Variants in GOLIM4 observed in about 807,000 individuals in gnomAD.
GOLIM4 encodes the protein 130 kDa golgi-localized phosphoprotein.
A neutral mutation model predicts 107.4 loss-of-function variants in GOLIM4; 71 were observed. The observed-to-expected ratio is 0.66, with a 90% confidence interval of 0.55 to 0.81. The LOEUF (loss-of-function observed/expected upper bound fraction) is 0.81, where lower values mean the gene tolerates loss of function less well. Ranked by LOEUF, GOLIM4 falls within the 30% of genes least tolerant of loss-of-function variation. The pLI, the probability that GOLIM4 is intolerant of heterozygous loss-of-function variation, is 0.00. For missense variants in GOLIM4, 830 were observed against 826.1 expected (o/e 1.00, Z -0.06); for synonymous variants, 327 against 294.8 (o/e 1.11, Z -1.12).
At chr3:168,059,978 T>C (rs1189532584) in intron 1 of GOLIM4, among the ~76,000 whole-genome samples, 1 of 152,070 alleles carries the variant, frequency 6.6e-6, no homozygotes, top group African/African-American at 2.4e-5. Flanking sequence ...CTAGAGTGAC[T>C]GAGGCAGGGT....
At chr3:168,033,190 A>G (rs902268677) in intron 8 of GOLIM4, among the ~76,000 whole-genome samples, 7 of 152,368 alleles carry the variant, frequency 4.6e-5, no homozygotes, top group Non-Finnish European at 7.3e-5. Context: ...TCAAGTGATG[A>G]AATGTTTACA....
At chr3:168,058,658 G>C (rs1470654723) in intron 1 of GOLIM4, among the ~76,000 whole-genome samples, 2 of 152,138 alleles carry the variant, frequency 1.3e-5, no homozygotes, top group African/African-American at 4.8e-5. Context: ...GGTTAGCCAG[G>C]CTAGGATGAC....
intron 14 of GOLIM4, among the ~76,000 whole-genome samples, chr3:168,018,091 G>C (rs542114674): frequency 6.6e-6 from 1 of 152,144 alleles, no homozygotes; most frequent in Non-Finnish European, 1.5e-5. Flanking sequence ...CAAAAAAACT[G>C]CTGAACATCG....
rs144138845 is a variant in GOLIM4 at position 168,026,111 on chromosome 3, A to C, written c.1624-1016T>G. ...CACTTAGGAGTCTTGAACATGTTTG[A>C]GAGTTCACTGCCATCTCAGCTGATC... On this transcript the variant is annotated intron_variant, in intron 12 of 15. Coordinates refer to ENST00000470487, the MANE Select transcript of GOLIM4 (RefSeq NM_014498.5). Among the ~76,000 whole-genome samples the C allele has an allele frequency of 2.5e-3, 377 of 152,266 alleles. 3 individuals carry two copies. The highest frequency in any genetic ancestry group is 4.6e-3 in the Admixed American group (71 of 15,288).
chr3:168,087,167 T>C (rs992537210), intron 1 of GOLIM4, among the ~76,000 whole-genome samples: 1 of 152,306 alleles, frequency 6.6e-6, no homozygotes, highest in Non-Finnish European at 1.5e-5. Flanking sequence ...AATAAGTTTA[T>C]TTTTCCTTAA....
chr3:168,016,301 TCA>T (rs1345087683), intron 14 of GOLIM4, among the ~76,000 whole-genome samples: 1 of 134,874 alleles, frequency 7.4e-6, no homozygotes, highest in Non-Finnish European at 1.5e-5. Flanking sequence ...ATGCTCATCA[TCA>T]CTGGCCATCA....
chr3:168,076,362 G>C (rs1560105871), intron 1 of GOLIM4, among the ~76,000 whole-genome samples: 1 of 152,082 alleles, frequency 6.6e-6, no homozygotes, highest in Non-Finnish European at 1.5e-5. Flanking sequence ...TGTTTGTTTT[G>C]TTTCTTTGTT....
chr3:168,039,973 T>C lies in GOLIM4; in HGVS notation c.684+813A>G, dbSNP rs531829868. On this transcript the variant is annotated intron_variant, in intron 7 of 15. Coordinates refer to ENST00000470487, the MANE Select transcript of GOLIM4 (RefSeq NM_014498.5). ...TGGGTCAGGGACAGAAAATTATACCTTTTAATAATTTTATAAAGAAAAGAA... is the reference window on the plus strand; with the variant it reads ...TGGGTCAGGGACAGAAAATTATACCCTTTAATAATTTTATAAAGAAAAGAA... Among the ~76,000 whole-genome samples, 3 of 152,312 alleles carry C rather than the reference T, an allele frequency of 2.0e-5. No homozygotes were observed. The South Asian group carries it at 6.2e-4, about 32-fold the overall frequency.
intron 1 of GOLIM4, among the ~76,000 whole-genome samples, chr3:168,093,728 T>C (rs961131144): frequency 3.3e-5 from 5 of 152,234 alleles, no homozygotes; most frequent in African/African-American, 9.6e-5. Context: ...AAAACGGGTT[T>C]TACTTTTGAA....
intron 14 of GOLIM4, among the ~76,000 whole-genome samples, chr3:168,011,103 A>G (rs59155942): frequency 0.19 from 28,717 of 151,322 alleles, 6,072 homozygotes; most frequent in African/African-American, 0.52. Context: ...CGCAGAAGAC[A>G]GTGATTTCTG....
At chr3:168,015,704 T>C (rs1717324851) in intron 14 of GOLIM4, among the ~76,000 whole-genome samples, 1 of 135,678 alleles carries the variant, frequency 7.4e-6, no homozygotes, top group Non-Finnish European at 1.5e-5. Context: ...TATAGATCAA[T>C]GGAACAGAAC....
chr3:168,079,011 T>C (rs1407472733), intron 1 of GOLIM4, among the ~76,000 whole-genome samples: 1 of 152,182 alleles, frequency 6.6e-6, no homozygotes, highest in Non-Finnish European at 1.5e-5. Context: ...TGTATGAGGA[T>C]ATTAAGTAAC....
intron 1 of GOLIM4, among the ~76,000 whole-genome samples, chr3:168,056,530 G>A (rs1031925864): frequency 3.3e-5 from 5 of 152,186 alleles, no homozygotes; most frequent in African/African-American, 7.2e-5. Flanking sequence ...CACTCAACAC[G>A]AGCCCATGAA....
In GOLIM4 at chr3:168,042,882, G is replaced by T. The variant is rs1719095566; in HGVS notation, c.517+497C>A. Among the ~76,000 whole-genome samples the T allele has an allele frequency of 2.0e-5, 3 of 152,148 alleles. No homozygotes were observed. In the South Asian group the frequency reaches 6.2e-4, roughly 32 times the overall value. ...ACAGTTGTCACACAACTTACCCATGGTCACATAGCTAGTGAAGAAGCCAAG... is the reference window on the plus strand; with the variant it reads ...ACAGTTGTCACACAACTTACCCATGTTCACATAGCTAGTGAAGAAGCCAAG... On this transcript the variant is annotated intron_variant, in intron 5 of 15. Coordinates refer to ENST00000470487, the MANE Select transcript of GOLIM4 (RefSeq NM_014498.5).
At chr3:168,067,968 A>G (rs1720636198) in intron 1 of GOLIM4, among the ~76,000 whole-genome samples, 1 of 152,132 alleles carries the variant, frequency 6.6e-6, no homozygotes, top group African/African-American at 2.4e-5. Context: ...CTGAACAGAA[A>G]CAAAATATAA....
chr3:168,056,752 A>G (rs1719995240), intron 1 of GOLIM4, among the ~76,000 whole-genome samples: 1 of 152,298 alleles, frequency 6.6e-6, no homozygotes, highest in East Asian at 1.9e-4. Context: ...TCCTATTTGG[A>G]ATGACTGTAT....
At chr3:168,033,319 C>T (rs1334335092) in intron 8 of GOLIM4, among the ~76,000 whole-genome samples, 1 of 148,960 alleles carries the variant, frequency 6.7e-6, no homozygotes, top group Non-Finnish European at 1.5e-5. Context: ...AAAAAGAATG[C>T]CATTGGCCGG....
intron 1 of GOLIM4, among the ~76,000 whole-genome samples, chr3:168,056,954 G>C (rs2108263725): frequency 6.6e-6 from 1 of 152,226 alleles, no homozygotes; most frequent in African/African-American, 2.4e-5. Flanking sequence ...AAATGTGAGG[G>C]CATGAGATGT....
chr3:168,030,328 T>A (rs1718247716), intron 9 of GOLIM4, among the ~76,000 whole-genome samples: 1 of 152,186 alleles, frequency 6.6e-6, no homozygotes, highest in African/African-American at 2.4e-5. Context: ...AGTTTCAAAC[T>A]GTAAAATTTA....
Sources: allele counts gnomAD v4.1 joint callset (sites outside exome capture counted in the v4.1 genomes callset), GRCh38; gene constraint gnomAD v4.1.1; transcripts MANE v1.5; gene names NCBI Gene and HGNC (gene_info 2026-07-23, HGNC 2026-07-21).